Variants in FAT1 observed in about 807,000 individuals in gnomAD.
FAT1 encodes the protein protocadherin Fat 1.
A neutral mutation model predicts 329.8 loss-of-function variants in FAT1; 171 were observed. The observed-to-expected ratio is 0.52, with a 90% CI of 0.46 to 0.59. The LOEUF (loss-of-function observed/expected upper bound fraction) is 0.59. Among genes scored for constraint, FAT1 ranks in the 20% least tolerant of loss-of-function variants. FAT1 has a pLI of 0.00. For missense variants in FAT1, 5,672 were observed against 5,774.4 expected, an observed-to-expected ratio of 0.98 and a Z score of 0.57; for synonymous variants, 2,233 against 2,228.6, an observed-to-expected ratio of 1.00 and a Z score of -0.06.
In FAT1 at chr4:186,651,125, A is replaced by C. The variant is rs569634127; in HGVS notation, c.3581-11342T>G. On this transcript the variant is annotated intron_variant, in intron 3 of 26. Coordinates refer to ENST00000441802, the MANE Select transcript of FAT1 (RefSeq NM_005245.4). ...ATTATTCATAAATTAATAATTAACA[A>C]ATAATTACTAAATTTATTTATTAAT... Among the ~76,000 whole-genome samples, 684 of 144,540 alleles carry C rather than the reference A, an allele frequency of 4.7e-3. 2 individuals carry two copies. Among genetic ancestry groups the C allele is most frequent in the Non-Finnish European group, 7.4e-3 (492 of 66,744 alleles). 94.8% of individuals were successfully genotyped at this position (144,540 alleles called of 152,430 possible). A position where few individuals can be genotyped will look rare whatever the true frequency, so the allele number is the denominator to read the frequency against.
At position 186,708,979 on chromosome 4, in the gene FAT1, C is replaced by A. The variant is rs1490789526; in HGVS notation, c.849G>T (p.Gln283His). The A allele has an allele frequency of 6.2e-7, 1 of 1,613,930 alleles. No individual in the cohort carries two copies. The highest frequency in any genetic ancestry group is 8.5e-7 in the Non-Finnish European group (1 of 1,179,904). ...AAGATGCTATGTCACCATTGGCACCCTGATCGCAGTCATCCACTGTCACAA... is the reference window on the plus strand; with the variant it reads ...AAGATGCTATGTCACCATTGGCACCATGATCGCAGTCATCCACTGTCACAA... ...YAIVTVDDCD[Q>H]GANGDIASLS... The change falls in exon 2 of 27, where the codon CAG (glutamine) becomes CAT (histidine). Residue 283 changes from glutamine to histidine, a missense_variant. Gln to His is a conservative substitution (Grantham distance 24). Coordinates refer to ENST00000441802, the MANE Select transcript of FAT1 (RefSeq NM_005245.4).
intron 2 of FAT1, among the ~76,000 whole-genome samples, chr4:186,689,885 T>G (rs536869990): frequency 3.9e-5 from 6 of 152,194 alleles, no homozygotes; most frequent in Non-Finnish European, 8.8e-5. Context: ...TAACACACCA[T>G]GTGACTCTTT....
At chr4:186,598,168 A>G in intron 22 of FAT1, 43 bp from the exon 23 acceptor site, 1 of 1,544,514 alleles carries the variant, frequency 6.5e-7, no homozygotes, top group Non-Finnish European at 8.8e-7. Flanking sequence ...TCACTCAATG[A>G]CTCAGAAACC....
At position 186,617,969 on chromosome 4, in the gene FAT1, T is replaced by C. The variant is rs544718951; in HGVS notation, c.8617A>G (p.Lys2873Glu). ...TCTCTCTTTTCATGGTCAAGTTCCT[T>C]TAAAGTTGTAATCCAGCCTGTTTCC... ...NMETGWITTL[K>E]ELDHEKRDNY... Residue 2873 changes from lysine to glutamate, a missense_variant, in exon 10 of 27, where the codon AAG (lysine) becomes GAG (glutamate). This residue lies in a region of FAT1 where 3,966 missense variants were observed against 3,915.2 expected (regional missense o/e 1.01). Transcript: ENST00000441802. 1 of 1,614,050 alleles carries C rather than the reference T, an allele frequency of 6.2e-7. No individual in the cohort carries two copies. The highest frequency in any genetic ancestry group is 1.3e-5 in the African/African-American group (1 of 75,062).
upstream of FAT1, chr4:186,723,910 A>G (rs327085): frequency 0.43 from 64,730 of 150,108 alleles, 16,947 homozygotes; most frequent in African/African-American, 0.75. Flanking sequence ...GCCGGCGCTC[A>G]TTTCTCGGGC....
chr4:186,609,087 C>T, intron 16 of FAT1, 96 bp downstream of exon 16: 1 of 1,442,438 alleles, frequency 6.9e-7, no homozygotes, highest in Non-Finnish European at 9.4e-7. Flanking sequence ...GGCGGTCAGT[C>T]CTGCTCACAC....
Position 186,604,529 on chromosome 4 carries a change from C to T in FAT1, c.10396G>A (p.Asp3466Asn), listed in dbSNP as rs1739000503. The T allele has an allele frequency of 6.2e-7, 1 of 1,613,476 alleles. No individual in the cohort carries two copies. The highest frequency in any genetic ancestry group is 8.5e-7 in the Non-Finnish European group (1 of 1,179,690). ...GFSVLQLVVT[D>N]EDSSHNGPPF... ...GGACCGTTATGGGAAGAATCCTCAT[C>T]TGTTACTACCAGCTGCAGCACGCTG... Residue 3466 changes from aspartate (D) to asparagine (N), a missense_variant, in exon 18 of 27, where the codon GAT becomes AAT. This residue lies in a region of FAT1 where 1,706 missense variants were observed against 1,859.1 expected (regional missense o/e 0.92). Transcript: ENST00000441802.
At chr4:186,604,339 T>C (rs1738986782) in intron 18 of FAT1, 38 bp downstream of exon 18, 4 of 1,555,226 alleles carry the variant, frequency 2.6e-6, no homozygotes, top group Non-Finnish European at 3.5e-6. Context: ...CTCTTCTCTA[T>C]GAATCCACAA....
At chr4:186,689,804 C>T (rs117253053) in intron 2 of FAT1, among the ~76,000 whole-genome samples, 17 of 152,306 alleles carry the variant, frequency 1.1e-4, no homozygotes, top group East Asian at 3.9e-4. Flanking sequence ...GACTCGACTC[C>T]GCACACCACC....
chr4:186,666,698 A>G (rs1442410719), intron 2 of FAT1, among the ~76,000 whole-genome samples: 1 of 152,250 alleles, frequency 6.6e-6, no homozygotes. Flanking sequence ...AGTGATAATT[A>G]CAGAAACAAT....
chr4:186,683,187 G>C (rs1439420627), intron 2 of FAT1, among the ~76,000 whole-genome samples: 6 of 152,174 alleles, frequency 3.9e-5, no homozygotes. Context: ...CTCCATCTAA[G>C]GAGGCCATGC....
Position 186,598,125 on chromosome 4 carries a change from C to G in FAT1, c.12104G>C (p.Gly4035Ala), listed in dbSNP as rs1738625289. Residue 4035 changes from glycine to alanine, a missense_variant and splice_region_variant, in exon 23 of 27, where the codon GGT becomes GCT. Gly to Ala is a moderately conservative substitution (Grantham distance 60). Around this residue, in one of 2 missense-constraint regions of FAT1, gnomAD observed 1,706 missense variants for 1,859.1 expected, o/e 0.92. Transcript: ENST00000441802. ...CAAGGCACTGCATTTGCAGTAATAACCTAAATCGGCAAAAAGGAACAAAAA... is the reference window on the plus strand; with the variant it reads ...CAAGGCACTGCATTTGCAGTAATAAGCTAAATCGGCAAAAAGGAACAAAAA... ...GGVCNPSPAG[G>A]YYCKCSALYI... 1 of 1,595,678 alleles carries G rather than the reference C, an allele frequency of 6.3e-7. No individual in the cohort carries two copies. The highest frequency in any genetic ancestry group is 1.4e-5 in the African/African-American group (1 of 73,838).
intron 14 of FAT1, among the ~76,000 whole-genome samples, chr4:186,610,702 A>AATATAAATTTATATAATTT (rs1739399293): frequency 1.5e-5 from 1 of 65,208 alleles, no homozygotes; most frequent in Non-Finnish European, 2.7e-5. Context: ...AATTTATATA[A>AATATAAATTTATATAATTT]ATATAAATTT....
chr4:186,692,065 C>T (rs1743794077), intron 2 of FAT1, among the ~76,000 whole-genome samples: 2 of 152,068 alleles, frequency 1.3e-5, no homozygotes, highest in Admixed American at 1.3e-4. Flanking sequence ...TTTTCTTCCC[C>T]CCCATGTATA....
intron 3 of FAT1, among the ~76,000 whole-genome samples, chr4:186,648,943 A>C (rs897568611): frequency 9.2e-5 from 14 of 152,314 alleles, no homozygotes; most frequent in African/African-American, 2.9e-4. Flanking sequence ...TTCAGTCATT[A>C]TAATAATTAC....
chr4:186,696,534 G>A (rs907981505), intron 2 of FAT1, among the ~76,000 whole-genome samples: 2 of 152,172 alleles, frequency 1.3e-5, no homozygotes, highest in African/African-American at 4.8e-5. Flanking sequence ...GCCAAGCACT[G>A]TGATAAGAGG....
At chr4:186,693,965 C>T (rs1333697041) in intron 2 of FAT1, among the ~76,000 whole-genome samples, 2 of 151,960 alleles carry the variant, frequency 1.3e-5, no homozygotes, top group African/African-American at 4.8e-5. Context: ...CCCCACTCTT[C>T]ACAACACTCA....
chr4:186,701,105 T>A (rs1008358818), intron 2 of FAT1, among the ~76,000 whole-genome samples: 1 of 152,198 alleles, frequency 6.6e-6, no homozygotes, highest in Admixed American at 6.5e-5. Context: ...CAGTAACGCA[T>A]CAACGTGGTA....
In FAT1 at chr4:186,609,184, G is replaced by A. The variant is rs202039105; in HGVS notation, c.10205C>T (p.Thr3402Met). Reference sequence around the variant, plus strand: ...CGTAAATCAACCTTTTTCACTTACCGTTTCTCGGTCGAGAAGTTTGGTCAC... The same window carrying A: ...CGTAAATCAACCTTTTTCACTTACCATTTCTCGGTCGAGAAGTTTGGTCAC... Reference protein sequence around the residue: ...VKVTKLLDRETISGYTLTVQA... With the variant: ...VKVTKLLDREMISGYTLTVQA... The change falls in exon 16 of 27, where the codon ACG (threonine) becomes ATG (methionine). Residue 3402 changes from threonine to methionine, a missense_variant and splice_region_variant. Transcript: ENST00000441802. 6.2e-6 allele frequency: 10 copies of A among 1,611,058 alleles called. No homozygotes were observed. The highest frequency in any genetic ancestry group is 2.2e-5 in the East Asian group (1 of 44,856).
Sources: gnomAD v4.1 joint callset for allele counts (sites outside exome capture counted in the v4.1 genomes callset) on GRCh38, gnomAD v4.1.1 for gene constraint, gnomAD v4.1.1 regional missense constraint, MANE v1.5 for transcripts, NCBI Gene and HGNC (gene_info 2026-07-23, HGNC 2026-07-21) for gene names.